The following FOXN3 variants were observed in gnomAD, a reference collection of about 807,000 sequenced individuals.
FOXN3 encodes forkhead box protein N3.
In FOXN3, 7 loss-of-function variants were observed where a neutral mutation model predicts 38.4. The ratio of observed to expected loss-of-function variants is 0.18; its 90% CI spans 0.10 to 0.34. The LOEUF is 0.34. Among genes scored for constraint, FOXN3 ranks in the 10% least tolerant of loss-of-function variants. FOXN3 has a pLI of 1.00. For synonymous variants in FOXN3, 230 were observed against 242.2 expected (o/e 0.95, Z 0.47); for missense variants, 456 against 613.4 (o/e 0.74, Z 2.71).
At position 89,575,098 on chromosome 14, in the gene FOXN3, G is replaced by C. The variant is rs115965242; in HGVS notation, c.-15+43930C>G. On this transcript the variant is annotated intron_variant, in intron 1 of 6. Transcript: ENST00000345097. ...GAGCAAGGTTGTCTATACTGACTCT[G>C]ATGAAAGCTAACTCAGACTCAAAGT... Among the ~76,000 whole-genome samples, 1,211 of 152,268 alleles carry C rather than the reference G, an allele frequency of 8.0e-3. 15 individuals carry two copies. The highest frequency in any genetic ancestry group is 0.028 in the African/African-American group (1,160 of 41,542).
At chr14:89,570,564 G>A (rs1895470224) in intron 1 of FOXN3, among the ~76,000 whole-genome samples, 1 of 152,154 alleles carries the variant, frequency 6.6e-6, no homozygotes, top group African/African-American at 2.4e-5. Flanking sequence ...AGCTGAGTAG[G>A]ATGGAAAACC....
chr14:89,420,885 T>TAAA (rs10654363), upstream of FOXN3, among the ~76,000 whole-genome samples: 665 of 140,834 alleles, frequency 4.7e-3, 5 homozygotes, highest in South Asian at 7.0e-3. Context: ...AGATACGAAT[T>TAAA]AAAAAAAAAA....
intron 3 of FOXN3, among the ~76,000 whole-genome samples, chr14:89,328,468 A>G (rs1474289940): frequency 1.3e-5 from 2 of 151,876 alleles, no homozygotes; most frequent in African/African-American, 4.8e-5. Context: ...GCCCTGGTTG[A>G]ATGGGTGAAG....
At chr14:89,232,597 AACC>A (rs771433417) in intron 4 of FOXN3, among the ~76,000 whole-genome samples, 5 of 152,190 alleles carry the variant, frequency 3.3e-5, no homozygotes, top group African/African-American at 7.2e-5. Context: ...GAGTTGTGCA[AACC>A]ATTTTTCAAT....
At chr14:89,403,625 A>C (rs957983845) in intron 2 of FOXN3, among the ~76,000 whole-genome samples, 29 of 152,226 alleles carry the variant, frequency 1.9e-4, no homozygotes, top group African/African-American at 5.8e-4. Context: ...GGTTCTGAAA[A>C]CCATTTCTTG....
intron 4 of FOXN3, among the ~76,000 whole-genome samples, chr14:89,275,035 AT>A (rs1886260085): frequency 6.6e-6 from 1 of 152,200 alleles, no homozygotes; most frequent in Non-Finnish European, 1.5e-5. Context: ...GAACTGTCCT[AT>A]GTGCTTGACT....
At chr14:89,562,408 C>T (rs900170631) in intron 1 of FOXN3, among the ~76,000 whole-genome samples, 1 of 152,072 alleles carries the variant, frequency 6.6e-6, no homozygotes, top group Non-Finnish European at 1.5e-5. Context: ...TACAGGCATG[C>T]ACCACCATGC....
intron 1 of FOXN3, among the ~76,000 whole-genome samples, chr14:89,505,465 C>G (rs1260313047): frequency 6.6e-6 from 1 of 152,102 alleles, no homozygotes; most frequent in Non-Finnish European, 1.5e-5. Context: ...TTGGTGGAGA[C>G]GGGGTTTCGC....
chr14:89,571,225 C>G (rs1317620583), intron 1 of FOXN3, among the ~76,000 whole-genome samples: 10 of 152,082 alleles, frequency 6.6e-5, no homozygotes, highest in Admixed American at 6.6e-4. Context: ...AGGTGATAGA[C>G]TGGCCTGGCA....
intron 1 of FOXN3, among the ~76,000 whole-genome samples, chr14:89,549,660 T>C (rs1400046736): frequency 6.6e-6 from 1 of 152,206 alleles, no homozygotes; most frequent in East Asian, 1.9e-4. Context: ...GCAAAGAGAC[T>C]TCAACGTTTC....
intron 4 of FOXN3, among the ~76,000 whole-genome samples, chr14:89,237,145 A>AC (rs397708057): frequency 6.6e-6 from 1 of 152,010 alleles, no homozygotes; most frequent in Non-Finnish European, 1.5e-5. Context: ...GGAAAAAAAA[A>AC]CAAATATCCA....
At chr14:89,489,845 C>T (rs1893535048) in intron 1 of FOXN3, among the ~76,000 whole-genome samples, 1 of 152,194 alleles carries the variant, frequency 6.6e-6, no homozygotes, top group Non-Finnish European at 1.5e-5. Context: ...AGATGCAAGC[C>T]TTACACACAC....
chr14:89,278,204 T>C (rs1255853934), intron 4 of FOXN3, among the ~76,000 whole-genome samples: 1 of 152,132 alleles, frequency 6.6e-6, no homozygotes, highest in African/African-American at 2.4e-5. Flanking sequence ...AGACAAAAGA[T>C]ACGTCTTACA....
intron 2 of FOXN3, among the ~76,000 whole-genome samples, chr14:89,354,002 G>T (rs1596207479): frequency 6.6e-6 from 1 of 152,136 alleles, no homozygotes; most frequent in South Asian, 2.1e-4. Flanking sequence ...ACAGTTTGGA[G>T]TAGTAAAATG....
intron 1 of FOXN3, among the ~76,000 whole-genome samples, chr14:89,440,595 C>T (rs1488840135): frequency 6.6e-6 from 1 of 152,204 alleles, no homozygotes; most frequent in East Asian, 1.9e-4. Context: ...CACTGAGCAC[C>T]TTGCGACCCC....
At chr14:89,611,577 C>T (rs571232836) in intron 1 of FOXN3, among the ~76,000 whole-genome samples, 14 of 152,066 alleles carry the variant, frequency 9.2e-5, no homozygotes, top group Admixed American at 2.6e-4. Flanking sequence ...GAGGCCAAGG[C>T]GGGCGGATCA....
chr14:89,505,304 A>ACGGTCTCCCTCTGATG (rs1216154228), intron 1 of FOXN3, among the ~76,000 whole-genome samples: 9 of 21,392 alleles, frequency 4.2e-4, no homozygotes, highest in Non-Finnish European at 7.5e-4. Flanking sequence ...CCCTCTCCCC[A>ACGGTCTCCCTCTGATG]CGGTCTCCCT....
chr14:89,505,718 G>C (rs1378752496), intron 1 of FOXN3, among the ~76,000 whole-genome samples: 1 of 151,870 alleles, frequency 6.6e-6, no homozygotes, highest in Admixed American at 6.6e-5. Flanking sequence ...AGTGAGGAGC[G>C]TCTCTGCCTG....
chr14:89,498,464 G>A (rs1229321501), intron 1 of FOXN3, among the ~76,000 whole-genome samples: 1 of 151,802 alleles, frequency 6.6e-6, no homozygotes, highest in Admixed American at 6.5e-5. Context: ...CTTGTGATCC[G>A]CCCGCCTCTG....
Sources: gnomAD v4.1 joint callset for allele counts (sites outside exome capture counted in the v4.1 genomes callset) on GRCh38, gnomAD v4.1.1 for gene constraint, MANE v1.5 for transcripts, NCBI Gene and HGNC (gene_info 2026-07-23, HGNC 2026-07-21) for gene names.